Variants in HMGB1 observed in about 807,000 individuals in gnomAD.
HMGB1 encodes high mobility group protein B1.
For synonymous variants in HMGB1, 81 were observed against 84.0 expected (o/e 0.96, Z 0.19); for missense variants, 79 against 253.5 (o/e 0.31, Z 4.67).
chr13:30,464,601 T>A, intron 1 of HMGB1: 1 of 982,926 alleles, frequency 1.0e-6, no homozygotes, highest in Non-Finnish European at 1.2e-6. Flanking sequence ...CGCCCCCATT[T>A]TGTCAGGCTC....
chr13:30,594,060 G>A (rs1010175515), intron 1 of HMGB1, among the ~76,000 whole-genome samples: 4 of 152,192 alleles, frequency 2.6e-5, no homozygotes, highest in Non-Finnish European at 5.9e-5. Context: ...TATGATGTAT[G>A]TAAGTTACCC....
At chr13:30,473,209 G>C (rs546623369) in intron 1 of HMGB1, among the ~76,000 whole-genome samples, 133 of 152,220 alleles carry the variant, frequency 8.7e-4, no homozygotes, top group African/African-American at 2.8e-3. Context: ...CGAGTTTTCC[G>C]GGGGGAAATC....
chr13:30,510,632 T>C (rs564116781), intron 1 of HMGB1, among the ~76,000 whole-genome samples: 4 of 152,294 alleles, frequency 2.6e-5, no homozygotes, highest in East Asian at 3.9e-4. Context: ...CTGGTCTCTA[T>C]GCTCTGGCTT....
chr13:30,501,552 T>A (rs1887735974), intron 1 of HMGB1, among the ~76,000 whole-genome samples: 1 of 140,654 alleles, frequency 7.1e-6, no homozygotes. Context: ...TATTATTTTA[T>A]ATATTTATAA....
chr13:30,495,202 C>A (rs780903762), intron 1 of HMGB1, among the ~76,000 whole-genome samples: 1 of 152,180 alleles, frequency 6.6e-6, no homozygotes, highest in Non-Finnish European at 1.5e-5. Flanking sequence ...CCTTTTCTCA[C>A]GCACCTTCTA....
At chr13:30,549,840 C>CA (rs1379547264) in intron 1 of HMGB1, among the ~76,000 whole-genome samples, 8 of 152,082 alleles carry the variant, frequency 5.3e-5, no homozygotes, top group African/African-American at 1.7e-4. Context: ...CCTCAGCTTC[C>CA]CGAGTACCTG....
chr13:30,464,250 GT>G, intron 1 of HMGB1: 1 of 985,570 alleles, frequency 1.0e-6, no homozygotes, highest in East Asian at 1.1e-4. Flanking sequence ...TCGGAACCCG[GT>G]TGGGGGGTGG....
At chr13:30,535,281 T>G (rs1364197345) in intron 1 of HMGB1, among the ~76,000 whole-genome samples, 1 of 152,222 alleles carries the variant, frequency 6.6e-6, no homozygotes, top group African/African-American at 2.4e-5. Context: ...CAGTGTTTGC[T>G]TAGTTCATTC....
chr13:30,462,753 C>T, intron 3 of HMGB1, 41 bp from the exon 4 acceptor site: 3 of 1,531,070 alleles, frequency 2.0e-6, no homozygotes, highest in Non-Finnish European at 2.7e-6. Flanking sequence ...GTTAACAGAT[C>T]ACAAAAACAA....
intron 1 of HMGB1, among the ~76,000 whole-genome samples, chr13:30,492,868 G>A (rs976382305): frequency 6.6e-6 from 1 of 151,840 alleles, no homozygotes; most frequent in South Asian, 2.1e-4. Flanking sequence ...GCGTGGGCCT[G>A]TAGTCCCAGC....
Position 30,600,944 on chromosome 13 carries a change from C to T in HMGB1, c.-15+15727G>A, listed in dbSNP as rs1208328068. 2.0e-5 allele frequency among the ~76,000 whole-genome samples: 3 copies of T among 152,282 alleles called. No homozygotes were observed. In the East Asian group the frequency reaches 5.8e-4, roughly 29 times the overall value. On this transcript the variant is annotated intron_variant, in intron 1 of 4. Transcript: ENST00000405805. The stretch of plus-strand genomic sequence containing the variant: ...GATCCCAAGCCAAGCCATCACTTCC[C>T]CTGTGACTTGCATGTATACATCCAG...
intron 1 of HMGB1, among the ~76,000 whole-genome samples, chr13:30,609,032 CG>C (rs1950487512): frequency 7.2e-6 from 1 of 139,506 alleles, no homozygotes; most frequent in African/African-American, 2.5e-5. Context: ...GAGGCCAAGG[CG>C]GGTGGATCAC....
At chr13:30,476,541 T>C (rs1250181714) in intron 1 of HMGB1, among the ~76,000 whole-genome samples, 1 of 152,164 alleles carries the variant, frequency 6.6e-6, no homozygotes, top group Non-Finnish European at 1.5e-5. Flanking sequence ...TTAGCATGTG[T>C]CTCCCATGTG....
At chr13:30,537,551 A>T (rs541872062) in intron 1 of HMGB1, among the ~76,000 whole-genome samples, 250 of 150,568 alleles carry the variant, frequency 1.7e-3, no homozygotes, top group African/African-American at 5.5e-3. Context: ...GTATTTTTTA[A>T]AAAAAATGTA....
At chr13:30,478,822 C>G (rs1031169776) in intron 1 of HMGB1, among the ~76,000 whole-genome samples, 1 of 151,644 alleles carries the variant, frequency 6.6e-6, no homozygotes, top group Admixed American at 6.6e-5. Context: ...ATGAGCCACA[C>G]GGTGCCCAGC....
At chr13:30,614,685 G>A (rs1950543651) in intron 1 of HMGB1, among the ~76,000 whole-genome samples, 1 of 151,888 alleles carries the variant, frequency 6.6e-6, no homozygotes, top group Non-Finnish European at 1.5e-5. Flanking sequence ...GCTACATTAC[G>A]AGTTGTCATG....
At chr13:30,566,529 T>G (rs1870194022) in intron 1 of HMGB1, among the ~76,000 whole-genome samples, 2 of 152,242 alleles carry the variant, frequency 1.3e-5, no homozygotes, top group South Asian at 4.1e-4. Context: ...TCTTTTGATT[T>G]TTTCCCAACC....
intron 1 of HMGB1, among the ~76,000 whole-genome samples, chr13:30,525,860 G>GGC (rs1288651179): frequency 4.0e-5 from 6 of 151,080 alleles, no homozygotes; most frequent in African/African-American, 1.5e-4. Flanking sequence ...AGATTGTGGG[G>GGC]GGACACAAAG....
At position 30,533,528 on chromosome 13, in the gene HMGB1, C is replaced by T. The variant is rs141944199; in HGVS notation, c.-14-69834G>A. On this transcript the variant is annotated intron_variant, in intron 1 of 4. Transcript: ENST00000405805. Reference sequence around the variant, plus strand: ...TACAGGTGTGTGCCACCAGGCCTGGCTAACTTTTGTATTTTTAGTGGAGAC... The same window carrying T: ...TACAGGTGTGTGCCACCAGGCCTGGTTAACTTTTGTATTTTTAGTGGAGAC... Among the ~76,000 whole-genome samples, 1,103 of 151,986 alleles carry T rather than the reference C, an allele frequency of 7.3e-3. 12 individuals are homozygous for T. Among genetic ancestry groups the T allele is most frequent in the African/African-American group, 0.021 (883 of 41,446 alleles).
Sources: gnomAD v4.1 joint callset for allele counts (sites outside exome capture counted in the v4.1 genomes callset) on GRCh38, gnomAD v4.1.1 for gene constraint, MANE v1.5 for transcripts, NCBI Gene and HGNC (gene_info 2026-07-23, HGNC 2026-07-21) for gene names.